Variants in PACC1 observed in about 807,000 individuals in gnomAD.
PACC1 encodes proton activated chloride channel 1.
PACC1 carries 34 observed loss-of-function variants against 39.7 expected under a neutral mutation model. The observed-to-expected ratio is 0.86, with a 90% CI of 0.65 to 1.14. The LOEUF (loss-of-function observed/expected upper bound fraction) is 1.14. PACC1 is among the 50% of genes most tolerant of loss of function. PACC1 has a pLI of 0.00. For synonymous variants in PACC1, 127 were observed against 160.6 expected, an observed-to-expected ratio of 0.79 and a Z score of 1.58; for missense variants, 379 against 436.4, an observed-to-expected ratio of 0.87 and a Z score of 1.17.
Position 212,414,798 on chromosome 1 carries a change from C to G in PACC1, c.-41G>C. The G allele has an allele frequency of 4.4e-6, 7 of 1,608,372 alleles. No homozygotes were observed. The highest frequency in any genetic ancestry group is 6.0e-6 in the Non-Finnish European group (7 of 1,175,560). On this transcript the variant is annotated 5_prime_UTR_variant, in exon 1 of 8. Transcript: ENST00000261455. Reference sequence around the variant, plus strand: ...TTCGGCACACCTGAGACCGCCCCAGCCCGCGGCGCACGGACGCAGCACTGC... The same window carrying G: ...TTCGGCACACCTGAGACCGCCCCAGGCCGCGGCGCACGGACGCAGCACTGC...
chr1:212,383,915 G>A (rs1660998630), intron 4 of PACC1, among the ~76,000 whole-genome samples: 1 of 152,148 alleles, frequency 6.6e-6, no homozygotes, highest in Non-Finnish European at 1.5e-5. Context: ...TTTACCCAGA[G>A]GCAACCATCC....
chr1:212,407,004 T>C (rs1325314432), intron 2 of PACC1, among the ~76,000 whole-genome samples: 2 of 152,186 alleles, frequency 1.3e-5, no homozygotes, highest in South Asian at 2.1e-4. Flanking sequence ...GTAGGCAGAA[T>C]AAAGGCTCCC....
At chr1:212,385,500 A>C in intron 3 of PACC1, 75 bp from the exon 4 acceptor site, 6 of 1,503,014 alleles carry the variant, frequency 4.0e-6, no homozygotes, top group Non-Finnish European at 9.2e-7. Flanking sequence ...TCTCACACCT[A>C]CCAACAACCT....
intron 2 of PACC1, among the ~76,000 whole-genome samples, chr1:212,404,861 C>T (rs1362179491): frequency 1.3e-5 from 2 of 152,106 alleles, no homozygotes; most frequent in African/African-American, 2.4e-5. Flanking sequence ...CTCCGCCTCC[C>T]GGCTTCAAGT....
intron 7 of PACC1, among the ~76,000 whole-genome samples, chr1:212,368,114 T>C (rs1489043527): frequency 6.6e-6 from 1 of 152,100 alleles, no homozygotes; most frequent in Admixed American, 6.5e-5. Context: ...CCCAAGTACA[T>C]CAGGGCTGGA....
intron 2 of PACC1, among the ~76,000 whole-genome samples, chr1:212,407,192 A>T (rs1661949106): frequency 6.6e-6 from 1 of 152,182 alleles, no homozygotes. Context: ...AACACAGAAA[A>T]GGGAGGCAGG....
In PACC1 at chr1:212,365,306, G is replaced by A. The variant is rs1660194168; in HGVS notation, c.962C>T (p.Ala321Val). ...TTTTATACTCAGTTTGGCAAACTCT[G>A]CTGCTTTAAATAATGCCAAGAAGGC... ...CGAFLALFKA[A>V]EFAKLSIKWM... Residue 321 changes from alanine to valine, a missense_variant, in exon 8 of 8, where the codon GCA becomes GTA. Coordinates refer to ENST00000261455, the MANE Select transcript of PACC1 (RefSeq NM_018252.3). The A allele has an allele frequency of 6.2e-7, 1 of 1,613,734 alleles. No individual in the cohort carries two copies. The highest frequency in any genetic ancestry group is 8.5e-7 in the Non-Finnish European group (1 of 1,179,940).
Position 212,365,138 on chromosome 1 carries a change from G to T in PACC1, c.*77C>A. ...TTCTTCAAGTGAGTACAGGATTGTTGATAGCTCCGTTTACAAAGTGGAAGT... is the reference window on the plus strand; with the variant it reads ...TTCTTCAAGTGAGTACAGGATTGTTTATAGCTCCGTTTACAAAGTGGAAGT... On this transcript the variant is annotated 3_prime_UTR_variant, in exon 8 of 8. Transcript: ENST00000261455. 1.4e-6 allele frequency: 2 copies of T among 1,472,042 alleles called. No homozygotes were observed. The allele number at this position is 1,472,042 out of a possible 1,614,324, so 91.2% of individuals were successfully genotyped here.
intron 2 of PACC1, among the ~76,000 whole-genome samples, chr1:212,409,461 G>C (rs1662044423): frequency 6.6e-6 from 1 of 151,724 alleles, no homozygotes; most frequent in African/African-American, 2.4e-5. Context: ...GTGGTGAGAG[G>C]GAATGAGGCC....
At chr1:212,404,975 G>A (rs1033554339) in intron 2 of PACC1, among the ~76,000 whole-genome samples, 3 of 151,996 alleles carry the variant, frequency 2.0e-5, no homozygotes, top group South Asian at 2.1e-4. Flanking sequence ...GTTTCACCAC[G>A]CTGGCCAGGC....
chr1:212,384,615 T>C (rs1661029529), intron 4 of PACC1, among the ~76,000 whole-genome samples: 1 of 152,246 alleles, frequency 6.6e-6, no homozygotes, highest in Admixed American at 6.5e-5. Context: ...TTTCAATGCT[T>C]TCTGAAGCAA....
chr1:212,405,015 T>C (rs930046017), intron 2 of PACC1, among the ~76,000 whole-genome samples: 16 of 152,128 alleles, frequency 1.1e-4, no homozygotes, highest in Non-Finnish European at 1.8e-4. Flanking sequence ...TCAGATGATC[T>C]GCTCGCTTTG....
At chr1:212,367,402 G>A (rs566665581) in intron 7 of PACC1, among the ~76,000 whole-genome samples, 1 of 152,130 alleles carries the variant, frequency 6.6e-6, no homozygotes, top group Admixed American at 6.5e-5. Flanking sequence ...AACTTCACAA[G>A]GGAAAACAGC....
intron 2 of PACC1, among the ~76,000 whole-genome samples, chr1:212,394,667 G>C (rs2102516665): frequency 6.6e-6 from 1 of 152,296 alleles, no homozygotes. Context: ...CAGATGACAT[G>C]ACTGTATATC....
At chr1:212,413,835 T>A in intron 1 of PACC1, 1 of 1,468,764 alleles carries the variant, frequency 6.8e-7, no homozygotes, top group Non-Finnish European at 9.0e-7. Context: ...GGAGCGATGG[T>A]AACACAGTAT....
rs762675067 is a variant in PACC1, at chr1:212,386,976, G to A, written c.258C>T (p.Tyr86=). The A allele has an allele frequency of 1.2e-6, 2 of 1,614,218 alleles. No individual in the cohort carries two copies. Among genetic ancestry groups the A allele is most frequent in the African/African-American group, 1.3e-5 (1 of 75,056 alleles). ...TCTCACGAAAGTCTGTGATGGTCCG[G>A]TAGACCAGGAAGACGGCCACAGCCA... ...LLMAVAVFLV[Y]RTITDFREKL... The change falls in exon 3 of 8, where the codon TAC becomes TAT. Residue 86 remains tyrosine (Y), a synonymous_variant. Transcript: ENST00000261455. The surrounding 1 kb of genome is among the most constrained non-coding windows in gnomAD (Gnocchi z 5.0).
chr1:212,366,294 A>G (rs1313484815), intron 7 of PACC1, among the ~76,000 whole-genome samples: 1 of 147,956 alleles, frequency 6.8e-6, no homozygotes, highest in African/African-American at 2.5e-5. Context: ...CAACCTGGTA[A>G]GAATACTTTT....
rs1660166731 is a variant in PACC1 at position 212,364,650 on chromosome 1, T to C, written c.*565A>G. 1 of 152,672 alleles carries C rather than the reference T, an allele frequency of 6.5e-6. No individual in the cohort carries two copies. The highest frequency in any genetic ancestry group is 2.4e-5 in the African/African-American group (1 of 41,462). 9.5% of individuals were successfully genotyped at this position (152,672 alleles called of 1,614,324 possible). ...TCAGTCCATTAAGAAACTTAATTAC[T>C]AGTTTCTAGTAGCCTTAAAGTCTCA... On this transcript the variant is annotated 3_prime_UTR_variant, in exon 8 of 8. Coordinates refer to ENST00000261455, the MANE Select transcript of PACC1 (RefSeq NM_018252.3).
chr1:212,369,649 C>T (rs192434108), intron 7 of PACC1, among the ~76,000 whole-genome samples: 32 of 152,100 alleles, frequency 2.1e-4, no homozygotes, highest in Admixed American at 6.5e-4. Flanking sequence ...GGTGTGGTGG[C>T]GCATGCCTGT....
Sources: gnomAD v4.1 joint callset for allele counts (sites outside exome capture counted in the v4.1 genomes callset) on GRCh38, gnomAD v4.1.1 for gene constraint, Gnocchi (gnomAD v3.1) non-coding constraint, MANE v1.5 for transcripts, NCBI Gene and HGNC (gene_info 2026-07-23, HGNC 2026-07-21) for gene names.